The following STAT3 variants were observed in gnomAD, a reference collection of about 807,000 sequenced individuals.
The protein encoded by STAT3 is DNA-binding protein APRF.
In STAT3, 7 loss-of-function variants were observed where a neutral mutation model predicts 114.3. The ratio of observed to expected loss-of-function variants is 0.06; its 90% CI spans 0.03 to 0.11. STAT3 has a LOEUF of 0.11. Ranked by LOEUF, STAT3 falls within the 10% of genes least tolerant of loss-of-function variation. The pLI is 1.00. For synonymous variants in STAT3, 331 were observed against 354.5 expected, an observed-to-expected ratio of 0.93 and a Z score of 0.74; for missense variants, 364 against 960.9, an observed-to-expected ratio of 0.38 and a Z score of 8.21.
chr17:42,338,960 G>A (rs2082329166), intron 5 of STAT3, 148 bp from the exon 6 acceptor site: 3 of 737,282 alleles, frequency 4.1e-6, no homozygotes, highest in Non-Finnish European at 6.8e-6. Flanking sequence ...CCAAGAGAAG[G>A]CTCCCTGTTG....
At position 42,337,738 on chromosome 17, in the gene STAT3, G is replaced by A. The variant is rs1324539938; in HGVS notation, c.645+25C>T. 3 of 1,613,738 alleles carry A rather than the reference G, an allele frequency of 1.9e-6. No individual in the cohort carries two copies. The Admixed American group carries it at 5.0e-5, about 27-fold the overall frequency. ...CCGCAAGTGAGCGAGACACATGGGG[G>A]AAGTGGTCCGACCTATGCCCTTACT... On this transcript the variant is annotated intron_variant, in intron 7 of 23. Coordinates refer to ENST00000264657, the MANE Select transcript of STAT3 (RefSeq NM_139276.3). The surrounding 1 kb of genome is among the most constrained non-coding windows in gnomAD (Gnocchi z 4.0).
At chr17:42,373,957 T>G (rs1006322238) in intron 1 of STAT3, 2 of 152,128 alleles carry the variant, frequency 1.3e-5, no homozygotes, top group African/African-American at 4.8e-5. Flanking sequence ...CCATAAAGTT[T>G]AAATAATAGT....
chr17:42,365,025 T>C (rs1218771763), intron 1 of STAT3, among the ~76,000 whole-genome samples: 2 of 152,182 alleles, frequency 1.3e-5, no homozygotes, highest in African/African-American at 4.8e-5. Flanking sequence ...GAACCTCAAA[T>C]TCAGAAGGCA....
At chr17:42,362,430 C>T (rs1476258729) in intron 1 of STAT3, among the ~76,000 whole-genome samples, 1 of 152,136 alleles carries the variant, frequency 6.6e-6, no homozygotes, top group Non-Finnish European at 1.5e-5. Context: ...GCCTCCAGGC[C>T]ATTTTCCACA....
At chr17:42,362,485 A>G (rs968933658) in intron 1 of STAT3, among the ~76,000 whole-genome samples, 1 of 152,210 alleles carries the variant, frequency 6.6e-6, no homozygotes, top group Admixed American at 6.5e-5. Flanking sequence ...TGATCTTGCC[A>G]CACCCCTACT....
intron 18 of STAT3, 98 bp downstream of exon 18, chr17:42,323,475 G>A (rs1054706400): frequency 1.8e-5 from 28 of 1,551,246 alleles, no homozygotes; most frequent in African/African-American, 6.8e-5. Context: ...CCTACTGGCC[G>A]CTGGACCAAG....
rs1306093885 is a variant in STAT3 at position 42,336,864 on chromosome 17, TAC to T, written c.797+569_797+570del. Among the ~76,000 whole-genome samples, 55 of 151,994 alleles carry T rather than the reference TAC, an allele frequency of 3.6e-4. 1 individual carries two copies. The highest frequency in any genetic ancestry group is 1.3e-4 in the Admixed American group (2 of 15,270). On this transcript the variant is annotated intron_variant, in intron 8 of 23. Coordinates refer to ENST00000264657, the MANE Select transcript of STAT3 (RefSeq NM_139276.3). ...TTAAAAGGTTTGTCTATCTGTTAAA[TAC>T]AGTTAAACCAAAAGCCTTAATTGAA...
chr17:42,355,303 G>A (rs2083177068), intron 1 of STAT3, among the ~76,000 whole-genome samples: 1 of 152,148 alleles, frequency 6.6e-6, no homozygotes, highest in Admixed American at 6.6e-5. Context: ...GCCATAGGAT[G>A]AATGTTCTCC....
In STAT3 at chr17:42,337,321, A is replaced by G; in HGVS notation, c.797+114T>C. ...ACTTTAATTCTTGGGCTAAATTTGA[A>G]TATGGAAAAGTCCCCACGTTGGAGA... On this transcript the variant is annotated intron_variant, in intron 8 of 23. Coordinates refer to ENST00000264657, the MANE Select transcript of STAT3 (RefSeq NM_139276.3). The surrounding 1 kb of genome is among the most constrained non-coding windows in gnomAD (Gnocchi z 4.0). 1 of 1,446,962 alleles carries G rather than the reference A, an allele frequency of 6.9e-7. No homozygotes were observed. Among genetic ancestry groups the G allele is most frequent in the South Asian group, 1.4e-5 (1 of 73,686 alleles). 89.6% of individuals were successfully genotyped at this position (1,446,962 alleles called of 1,614,324 possible).
chr17:42,350,243 A>C (rs1423459403), intron 1 of STAT3, among the ~76,000 whole-genome samples: 3 of 151,998 alleles, frequency 2.0e-5, no homozygotes, highest in African/African-American at 7.2e-5. Flanking sequence ...CCTAGTTAGC[A>C]CTGGCTTTTT....
chr17:42,354,975 T>C (rs1433062909), intron 1 of STAT3, among the ~76,000 whole-genome samples: 1 of 152,084 alleles, frequency 6.6e-6, no homozygotes, highest in Non-Finnish European at 1.5e-5. Flanking sequence ...AATATGCAAA[T>C]ACTTCCATAG....
At chr17:42,351,113 T>C (rs1226147927) in intron 1 of STAT3, among the ~76,000 whole-genome samples, 3 of 115,292 alleles carry the variant, frequency 2.6e-5, no homozygotes, top group African/African-American at 3.6e-5. Flanking sequence ...CCTGATGACA[T>C]AGCGAGACTC....
chr17:42,355,550 A>T (rs1246704685), intron 1 of STAT3, among the ~76,000 whole-genome samples: 1 of 152,224 alleles, frequency 6.6e-6, no homozygotes, highest in Admixed American at 6.5e-5. Flanking sequence ...TGTTTTCTAT[A>T]ACTGAAGAGA....
At chr17:42,347,523 A>G (rs946823474) in intron 2 of STAT3, among the ~76,000 whole-genome samples, 3 of 152,200 alleles carry the variant, frequency 2.0e-5, no homozygotes, top group Admixed American at 6.5e-5. Flanking sequence ...GTTGCTGGAC[A>G]TCTGTGCCAT....
chr17:42,377,509 G>A lies in STAT3; in HGVS notation c.-24+10770C>T, dbSNP rs192943007. Among the ~76,000 whole-genome samples, 548 of 152,234 alleles carry A rather than the reference G, an allele frequency of 3.6e-3. 3 individuals are homozygous for A. The highest frequency in any genetic ancestry group is 0.013 in the African/African-American group (523 of 41,540). On this transcript the variant is annotated intron_variant, in intron 1 of 23. Coordinates refer to ENST00000264657, the MANE Select transcript of STAT3 (RefSeq NM_139276.3). ...GTGTATTTGCTGCTATATATGGAAGGAACAACACCCAGAGAATAACATGTT... is the reference window on the plus strand; with the variant it reads ...GTGTATTTGCTGCTATATATGGAAGAAACAACACCCAGAGAATAACATGTT...
intron 1 of STAT3, among the ~76,000 whole-genome samples, chr17:42,384,215 G>T (rs1386268414): frequency 2.7e-5 from 4 of 148,296 alleles, no homozygotes; most frequent in Non-Finnish European, 5.9e-5. Context: ...TGCAAGCTCC[G>T]CCTCCCGAGT....
At chr17:42,345,215 A>C (rs775582581) in intron 4 of STAT3, among the ~76,000 whole-genome samples, 24 of 151,968 alleles carry the variant, frequency 1.6e-4, no homozygotes, top group Non-Finnish European at 2.5e-4. Flanking sequence ...CAGTGAGCCA[A>C]GATCGCGCCA....
chr17:42,380,616 T>C (rs2084735798), intron 1 of STAT3, among the ~76,000 whole-genome samples: 1 of 152,090 alleles, frequency 6.6e-6, no homozygotes, highest in African/African-American at 2.4e-5. Flanking sequence ...CTTGAACTCC[T>C]GACCTCAGGT....
intron 4 of STAT3, among the ~76,000 whole-genome samples, chr17:42,344,959 T>C (rs1235551509): frequency 6.6e-6 from 1 of 151,958 alleles, no homozygotes; most frequent in East Asian, 1.9e-4. Flanking sequence ...TGGAATAATC[T>C]GTACTATGAA....
Sources: gnomAD v4.1 joint callset for allele counts (sites outside exome capture counted in the v4.1 genomes callset) on GRCh38, gnomAD v4.1.1 for gene constraint, Gnocchi (gnomAD v3.1) non-coding constraint, MANE v1.5 for transcripts, NCBI Gene and HGNC (gene_info 2026-07-23, HGNC 2026-07-21) for gene names.